The following CUBN variants were observed in gnomAD, a reference collection of about 807,000 sequenced individuals.
The protein encoded by CUBN is cubilin.
A neutral mutation model predicts 405.3 loss-of-function variants in CUBN; 282 were observed. The ratio of observed to expected loss-of-function variants is 0.70; its 90% CI spans 0.63 to 0.77. The LOEUF is 0.77. CUBN is among the 30% of genes least tolerant of loss of function. The pLI is 0.00. For synonymous variants in CUBN, 1,684 were observed against 1,617.0 expected (o/e 1.04, Z -0.99); for missense variants, 4,514 against 4,475.2 (o/e 1.01, Z -0.25).
intron 28 of CUBN, among the ~76,000 whole-genome samples, chr10:17,014,839 T>G (rs1054052502): frequency 1.3e-5 from 2 of 152,156 alleles, no homozygotes; most frequent in African/African-American, 4.8e-5. Flanking sequence ...CAACTATCCA[T>G]GTAAGTTGGG....
At chr10:17,010,293 A>G (rs1013775031) in intron 28 of CUBN, among the ~76,000 whole-genome samples, 2 of 152,214 alleles carry the variant, frequency 1.3e-5, no homozygotes, top group Non-Finnish European at 2.9e-5. Flanking sequence ...TATTATAGAG[A>G]TGAATCAATC....
At chr10:16,950,840 CAT>C (rs1842905365) in intron 33 of CUBN, among the ~76,000 whole-genome samples, 1 of 152,166 alleles carries the variant, frequency 6.6e-6, no homozygotes, top group South Asian at 2.1e-4. Flanking sequence ...CTCGCAGAAG[CAT>C]TTTTCTCAAT....
chr10:17,059,219 T>C (rs1018401668), intron 22 of CUBN, among the ~76,000 whole-genome samples: 1 of 152,104 alleles, frequency 6.6e-6, no homozygotes, highest in Non-Finnish European at 1.5e-5. Context: ...TCACAATGTA[T>C]CTTTGCCTTC....
intron 3 of CUBN, among the ~76,000 whole-genome samples, chr10:17,127,262 TTC>T (rs780585980): frequency 0.19 from 15,597 of 80,076 alleles, 877 homozygotes; most frequent in Admixed American, 0.22. Context: ...CTCTCTCTCT[TTC>T]TTTTTTTTTT....
chr10:16,889,953 A>AAAAAAAAG lies in CUBN; in HGVS notation c.8755+417_8755+418insCTTTTTTT, dbSNP rs57009841. 2.9e-4 allele frequency among the ~76,000 whole-genome samples: 34 copies of AAAAAAAAG among 118,026 alleles called. 3 individuals are homozygous for AAAAAAAAG. Among genetic ancestry groups the AAAAAAAAG allele is most frequent in the African/African-American group, 7.5e-4 (18 of 23,884 alleles). The allele number at this position is 118,026 out of a possible 152,430, so 77.4% of individuals were successfully genotyped here. A position where few individuals can be genotyped will look rare whatever the true frequency, so the allele number is the denominator to read the frequency against. On this transcript the variant is annotated intron_variant, in intron 55 of 66. Transcript: ENST00000377833. ...GCCGTGTCAAAAAAAAAAAAAAAAAACAGGAAAGACTTCGTCATGGAAATT... is the reference window on the plus strand; with the variant it reads ...GCCGTGTCAAAAAAAAAAAAAAAAAAAAAAAAAGCAGGAAAGACTTCGTCATGGAAATT...
chr10:17,077,715 C>A (rs376664247), intron 17 of CUBN, among the ~76,000 whole-genome samples: 6 of 152,024 alleles, frequency 3.9e-5, no homozygotes, highest in South Asian at 4.1e-4. Context: ...TAGGGAGGAG[C>A]CTTGGGCTAA....
rs773085663 is a variant in CUBN at position 17,041,107 on chromosome 10, CTGT to C, written c.3940_3942del (p.Thr1314del). On this transcript the variant is annotated inframe_deletion, in exon 27 of 67. Transcript: ENST00000377833. ...AAAAATGTGTAGTTCACAGTGTTGC[CTGT>C]TGTTGCCCGGATGGTCCAGTTGCAA... 6.2e-7 allele frequency: 1 copy of C among 1,613,494 alleles called. No homozygotes were observed. Among genetic ancestry groups the C allele is most frequent in the African/African-American group, 1.3e-5 (1 of 74,780 alleles).
At chr10:16,949,313 G>A (rs527448963) in intron 34 of CUBN, among the ~76,000 whole-genome samples, 1 of 152,220 alleles carries the variant, frequency 6.6e-6, no homozygotes, top group African/African-American at 2.4e-5. Context: ...TGGGCACTGG[G>A]AATTAGGCAA....
At chr10:17,028,541 C>T (rs1369099185) in intron 27 of CUBN, among the ~76,000 whole-genome samples, 9 of 151,586 alleles carry the variant, frequency 5.9e-5, no homozygotes, top group Non-Finnish European at 1.0e-4. Context: ...GCCATCAAGG[C>T]GAAACCCTGT....
At chr10:16,972,501 G>A (rs972146337) in intron 31 of CUBN, among the ~76,000 whole-genome samples, 1 of 150,214 alleles carries the variant, frequency 6.7e-6, no homozygotes, top group African/African-American at 2.5e-5. Flanking sequence ...ACAGTGGTGT[G>A]ATCACAGCTC....
chr10:17,007,485 T>A (rs1226342926), intron 28 of CUBN, among the ~76,000 whole-genome samples: 1 of 152,206 alleles, frequency 6.6e-6, no homozygotes, highest in Admixed American at 6.5e-5. Context: ...AATGCGTTTG[T>A]GTATGAACTG....
chr10:16,829,126 T>A lies in CUBN; in HGVS notation c.10529-86A>T. ...TGTTAGGCAATAAGACTTTATTTTC[T>A]TAAGGTGCTGAGACTCTGCAAGAAT... On this transcript the variant is annotated intron_variant, in intron 65 of 66. Coordinates refer to ENST00000377833, the MANE Select transcript of CUBN (RefSeq NM_001081.4). 3 of 962,310 alleles carry A rather than the reference T, an allele frequency of 3.1e-6. No homozygotes were observed. The South Asian group carries it at 4.1e-5, about 13-fold the overall frequency. 59.6% of individuals were successfully genotyped at this position (962,310 alleles called of 1,614,324 possible).
Position 16,851,353 on chromosome 10 carries a change from T to C in CUBN, c.9545A>G (p.Asn3182Ser), listed in dbSNP as rs1370394622. The C allele has an allele frequency of 1.2e-6, 2 of 1,614,044 alleles. No homozygotes were observed. Among genetic ancestry groups the C allele is most frequent in the Non-Finnish European group, 8.5e-7 (1 of 1,180,024 alleles). ...AATTATGATCCATACACAGTTTAAATTCTTGTCATACATTCCATTCGAATC... is the reference window on the plus strand; with the variant it reads ...AATTATGATCCATACACAGTTTAAACTCTTGTCATACATTCCATTCGAATC... ...DSDSNGMYDK[N>S]LNCVWIIIAP... is the part of the protein sequence containing the mutation. Residue 3182 changes from asparagine to serine, a missense_variant, in exon 60 of 67, where the codon AAT becomes AGT. Asn to Ser is a conservative substitution (Grantham distance 46). Coordinates refer to ENST00000377833, the MANE Select transcript of CUBN (RefSeq NM_001081.4).
rs1046073896 is a variant in CUBN at position 17,128,072 on chromosome 10, C to A, written c.253-148G>T. Reference sequence around the variant, plus strand: ...TTATAAAAACCAAAACAACACCATGCGTAATAAACACTGGGCTAAAATAGC... The same window carrying A: ...TTATAAAAACCAAAACAACACCATGAGTAATAAACACTGGGCTAAAATAGC... On this transcript the variant is annotated intron_variant, in intron 2 of 66. Transcript: ENST00000377833. 2.9e-5 allele frequency: 17 copies of A among 587,410 alleles called. No homozygotes were observed. The South Asian group carries it at 3.0e-4, about 11-fold the overall frequency. The allele number at this position is 587,410 out of a possible 1,614,324, so 36.4% of individuals were successfully genotyped here.
Position 16,937,791 on chromosome 10 carries a change from A to G in CUBN, c.5734-7T>C. The G allele has an allele frequency of 6.2e-7, 1 of 1,611,708 alleles. No homozygotes were observed. The stretch of plus-strand genomic sequence containing the variant: ...TGCTAGGCCCATCATAGATCTGTAC[A>G]TAAAAACAGATAATAGAGCATTGTA... On this transcript the variant is annotated splice_region_variant and splice_polypyrimidine_tract_variant and intron_variant, in intron 38 of 66. Transcript: ENST00000377833.
intron 31 of CUBN, 50 bp from the exon 32 acceptor site, chr10:16,954,598 G>A (rs1052856414): frequency 5.0e-6 from 8 of 1,599,118 alleles, no homozygotes; most frequent in Non-Finnish European, 5.1e-6. Flanking sequence ...ACATCTAGAA[G>A]GCCTGTATTC....
chr10:17,015,311 A>G (rs1421641339), intron 28 of CUBN, among the ~76,000 whole-genome samples: 1 of 152,164 alleles, frequency 6.6e-6, no homozygotes, highest in Non-Finnish European at 1.5e-5. Flanking sequence ...CTCCTCAAGT[A>G]GGGGAAAACA....
rs544950535 is a variant in CUBN, at chr10:16,986,159, A to G, written c.4351-1880T>C. The stretch of plus-strand genomic sequence containing the variant: ...GGGAGACAGTTTTCAAAGAGTTGGT[A>G]TCTGAGACCTTCATAACTGCAACTG... On this transcript the variant is annotated intron_variant, in intron 29 of 66. Transcript: ENST00000377833. Among the ~76,000 whole-genome samples the G allele has an allele frequency of 5.9e-5, 9 of 152,366 alleles. No homozygotes were observed. The East Asian group carries it at 1.7e-3, about 29-fold the overall frequency.
At chr10:17,007,240 A>C (rs570164365) in intron 28 of CUBN, among the ~76,000 whole-genome samples, 1 of 150,454 alleles carries the variant, frequency 6.6e-6, no homozygotes, top group Non-Finnish European at 1.5e-5. Context: ...CCGCTGGACA[A>C]TGCTGTCAAG....
Sources: gnomAD v4.1 joint callset for allele counts (sites outside exome capture counted in the v4.1 genomes callset) on GRCh38, gnomAD v4.1.1 for gene constraint, MANE v1.5 for transcripts, NCBI Gene and HGNC (gene_info 2026-07-23, HGNC 2026-07-21) for gene names.